SLC9A5: variants seen among roughly 807,000 people sequenced by gnomAD.
SLC9A5 encodes sodium/hydrogen exchanger 5.
A neutral mutation model predicts 91.7 loss-of-function variants in SLC9A5; 52 were observed. That is an observed-to-expected ratio of 0.57 (90% CI 0.45 to 0.71). The LOEUF is 0.71. Among genes scored for constraint, SLC9A5 ranks in the 30% least tolerant of loss-of-function variants. The pLI, the probability that SLC9A5 is intolerant of heterozygous loss-of-function variation, is 0.00. For missense variants in SLC9A5, 871 were observed against 1,158.9 expected (o/e 0.75, Z 3.61); for synonymous variants, 419 against 474.5 (o/e 0.88, Z 1.52).
Position 67,255,659 on chromosome 16 carries a change from G to T in SLC9A5, c.734-94G>T. 7.2e-7 allele frequency: 1 copy of T among 1,385,702 alleles called. No individual in the cohort carries two copies. The highest frequency in any genetic ancestry group is 9.9e-7 in the Non-Finnish European group (1 of 1,007,638). 85.8% of individuals were successfully genotyped at this position (1,385,702 alleles called of 1,614,324 possible). On this transcript the variant is annotated intron_variant, in intron 4 of 15. Coordinates refer to ENST00000299798, the MANE Select transcript of SLC9A5 (RefSeq NM_004594.3). The surrounding 1 kb of genome is among the most constrained non-coding windows in gnomAD (Gnocchi z 4.9). The stretch of plus-strand genomic sequence containing the variant: ...GGTTTTGAGCCCCTGGGAGTGCGGT[G>T]GGCATCATCCCTCACTCCCTGCCAG...
chr16:67,259,416 T>C (rs2035444111), intron 10 of SLC9A5, among the ~76,000 whole-genome samples, 157 bp from the exon 11 acceptor site: 1 of 149,344 alleles, frequency 6.7e-6, no homozygotes, highest in African/African-American at 2.5e-5. Flanking sequence ...ACCTATGTTA[T>C]AGATTTTGTG....
chr16:67,252,255 C>G lies in SLC9A5; in HGVS notation c.188-287C>G, dbSNP rs2035153165. 6.6e-6 allele frequency among the ~76,000 whole-genome samples: 1 copy of G among 152,136 alleles called. No homozygotes were observed. The highest frequency in any genetic ancestry group is 6.6e-5 in the Admixed American group (1 of 15,258). ...ATGAGGTCAGGAGTTCAAGACCAGC[C>G]TGGCCAACATAGTGAAACCCTGTCT... On this transcript the variant is annotated intron_variant, in intron 1 of 15. Transcript: ENST00000299798. This position sits in a 1 kb window ranked among gnomAD's most constrained non-coding sequence, Gnocchi z 4.0.
rs2035942324 is a variant in SLC9A5 at position 67,272,091 on chromosome 16, A to C, written c.*881A>C. ...GCTCTGGGGGCTGGGATGCCTGGCT[A>C]AGCAGGGGCTGACAGGGTGGCAGGT... On this transcript the variant is annotated 3_prime_UTR_variant, in exon 16 of 16. Transcript: ENST00000299798. 6.6e-6 allele frequency: 1 copy of C among 152,322 alleles called. No homozygotes were observed. Among genetic ancestry groups the C allele is most frequent in the Non-Finnish European group, 1.5e-5 (1 of 68,128 alleles). The allele number at this position is 152,322 out of a possible 1,614,324, so 9.4% of individuals were successfully genotyped here.
intron 15 of SLC9A5, among the ~76,000 whole-genome samples, chr16:67,267,081 G>GTTTTTTT (rs980874306): frequency 4.2e-4 from 20 of 47,736 alleles, no homozygotes; most frequent in African/African-American, 6.3e-4. Context: ...CCCAGCTGTT[G>GTTTTTTT]TTTTTTTTTT....
Position 67,271,148 on chromosome 16 carries a change from C to T in SLC9A5, c.2629C>T (p.Leu877Phe), listed in dbSNP as rs903912889. The change falls in exon 16 of 16, where the codon CTC becomes TTC. Residue 877 changes from leucine (L) to phenylalanine (F), a missense_variant. Transcript: ENST00000299798. ...PLMGHKDHTH[L>F]SPGTATSHWC... The stretch of plus-strand genomic sequence containing the variant: ...CATGGGCCACAAGGACCACACCCAT[C>T]TCAGCCCAGGCACCGCTACCTCCCA... The T allele has an allele frequency of 2.5e-6, 4 of 1,613,454 alleles. No individual in the cohort carries two copies. The highest frequency in any genetic ancestry group is 3.4e-6 in the Non-Finnish European group (4 of 1,180,048).
intron 10 of SLC9A5, among the ~76,000 whole-genome samples, chr16:67,259,139 G>A (rs1488085638): frequency 1.3e-5 from 2 of 151,632 alleles, no homozygotes; most frequent in Admixed American, 6.6e-5. Context: ...GGCACCTGTA[G>A]ACCCAGCTAC....
chr16:67,249,217 C>A lies in SLC9A5; in HGVS notation c.187+16C>A. On this transcript the variant is annotated intron_variant, in intron 1 of 15. Transcript: ENST00000299798. ...GCCAAAATCGGTGAGTGCGTGTGTG[C>A]GTGCGCCAGGCCGACCGCCAGCGGC... The A allele has an allele frequency of 7.0e-7, 1 of 1,424,950 alleles. No individual in the cohort carries two copies. The highest frequency in any genetic ancestry group is 9.2e-7 in the Non-Finnish European group (1 of 1,089,486). 88.3% of individuals were successfully genotyped at this position (1,424,950 alleles called of 1,614,324 possible).
intron 1 of SLC9A5, among the ~76,000 whole-genome samples, chr16:67,250,432 A>G (rs756719884): frequency 3.3e-5 from 5 of 152,186 alleles, no homozygotes; most frequent in African/African-American, 4.8e-5. Flanking sequence ...AGCAGCAATG[A>G]GAGTAAGAGT....
In SLC9A5 at chr16:67,255,006, C is replaced by T. The variant is rs2035257383; in HGVS notation, c.491-15C>T. The T allele has an allele frequency of 1.9e-6, 3 of 1,611,696 alleles. No homozygotes were observed. Among genetic ancestry groups the T allele is most frequent in the Admixed American group, 1.7e-5 (1 of 59,886 alleles). Reference sequence around the variant, plus strand: ...TCTTCAATGACTGGCCTGTCCTACACATGTCCCTTAATAGCCCCTAGGGTG... The same window carrying T: ...TCTTCAATGACTGGCCTGTCCTACATATGTCCCTTAATAGCCCCTAGGGTG... On this transcript the variant is annotated splice_polypyrimidine_tract_variant and intron_variant, in intron 2 of 15. Transcript: ENST00000299798. This position sits in a 1 kb window ranked among gnomAD's most constrained non-coding sequence, Gnocchi z 4.9.
rs760790280 is a variant in SLC9A5, at chr16:67,252,615, A to C, written c.261A>C (p.Leu87=). 1 of 1,614,056 alleles carries C rather than the reference A, an allele frequency of 6.2e-7. No homozygotes were observed. Among genetic ancestry groups the C allele is most frequent in the Non-Finnish European group, 8.5e-7 (1 of 1,180,014 alleles). ...TGCTGATTTTGCTGGGCCTGGTGCT[A>C]GGGGGAATTGTTTTGGCTGTGGCCA... is the stretch of plus-strand genomic sequence containing the variant. ...SCLLILLGLV[L]GGIVLAVAKK... The change falls in exon 2 of 16, where the codon CTA becomes CTC. Residue 87 remains leucine, a synonymous_variant. Coordinates refer to ENST00000299798, the MANE Select transcript of SLC9A5 (RefSeq NM_004594.3). This position sits in a 1 kb window ranked among gnomAD's most constrained non-coding sequence, Gnocchi z 4.0.
At chr16:67,267,296 G>A (rs1474841921) in intron 15 of SLC9A5, among the ~76,000 whole-genome samples, 2 of 151,908 alleles carry the variant, frequency 1.3e-5, no homozygotes, top group Admixed American at 1.3e-4. Context: ...ATGTTGGTCA[G>A]GCTGGTTTCG....
intron 1 of SLC9A5, among the ~76,000 whole-genome samples, chr16:67,251,703 C>T (rs116930827): frequency 0.01 from 1,568 of 151,954 alleles, 23 homozygotes; most frequent in Non-Finnish European, 0.014. Context: ...CATGAGCCAC[C>T]GCGCCCCGCC....
chr16:67,268,453 G>A (rs1281861096), intron 15 of SLC9A5, among the ~76,000 whole-genome samples: 1 of 149,110 alleles, frequency 6.7e-6, no homozygotes, highest in Non-Finnish European at 1.5e-5. Context: ...CTCAGATAAG[G>A]ATTCCTGATG....
At position 67,256,302 on chromosome 16, in the gene SLC9A5, T is replaced by C. The variant is rs1443214218; in HGVS notation, c.912-167T>C. On this transcript the variant is annotated intron_variant, in intron 5 of 15. Transcript: ENST00000299798. The surrounding 1 kb of genome is among the most constrained non-coding windows in gnomAD (Gnocchi z 4.1). ...GAATGGGAAGCCTGGAGATCTGGACTCTTAGCCCAGCACTACCATTCAAGT... is the reference window on the plus strand; with the variant it reads ...GAATGGGAAGCCTGGAGATCTGGACCCTTAGCCCAGCACTACCATTCAAGT... 6.6e-6 allele frequency among the ~76,000 whole-genome samples: 1 copy of C among 152,172 alleles called. No homozygotes were observed.
At chr16:67,253,150 A>G (rs1597345789) in intron 2 of SLC9A5, among the ~76,000 whole-genome samples, 1 of 152,148 alleles carries the variant, frequency 6.6e-6, no homozygotes, top group African/African-American at 2.4e-5. Flanking sequence ...GCCATTTGCC[A>G]GCCCGTCTCC....
Position 67,257,327 on chromosome 16 carries a change from C to T in SLC9A5, c.1336-18C>T. On this transcript the variant is annotated intron_variant, in intron 7 of 15. Transcript: ENST00000299798. This position sits in a 1 kb window ranked among gnomAD's most constrained non-coding sequence, Gnocchi z 5.1. Reference sequence around the variant, plus strand: ...CTGAATAGGAATAGGGCAGGGCTCACCTCCTGCCTGTCCATAGGGCTTGAC... The same window carrying T: ...CTGAATAGGAATAGGGCAGGGCTCATCTCCTGCCTGTCCATAGGGCTTGAC... The T allele has an allele frequency of 6.3e-7, 1 of 1,597,504 alleles. No individual in the cohort carries two copies. Among genetic ancestry groups the T allele is most frequent in the Non-Finnish European group, 8.6e-7 (1 of 1,164,814 alleles).
chr16:67,255,564 T>C lies in SLC9A5; in HGVS notation c.733+93T>C. ...CCCCGCATCAGGACAGAAGAGGCTA[T>C]TCGGGTTGCCTCATCTCCTCTATAG... is the stretch of plus-strand genomic sequence containing the variant. On this transcript the variant is annotated intron_variant, in intron 4 of 15. Transcript: ENST00000299798. The surrounding 1 kb of genome is among the most constrained non-coding windows in gnomAD (Gnocchi z 4.9). 4 of 1,391,722 alleles carry C rather than the reference T, an allele frequency of 2.9e-6. No individual in the cohort carries two copies. The highest frequency in any genetic ancestry group is 3.0e-6 in the Non-Finnish European group (3 of 983,756). 86.2% of individuals were successfully genotyped at this position (1,391,722 alleles called of 1,614,324 possible). A position where few individuals can be genotyped will look rare whatever the true frequency, so the allele number is the denominator to read the frequency against.
Position 67,257,123 on chromosome 16 carries a change from C to G in SLC9A5, c.1335+10C>G. On this transcript the variant is annotated intron_variant, in intron 7 of 15. Coordinates refer to ENST00000299798, the MANE Select transcript of SLC9A5 (RefSeq NM_004594.3). The surrounding 1 kb of genome is among the most constrained non-coding windows in gnomAD (Gnocchi z 5.1). ...CACAGTCATCGTGCAGGTGGGAGTGCCCACAAGGCTGGGTAGGGAGAGGGT... is the reference window on the plus strand; with the variant it reads ...CACAGTCATCGTGCAGGTGGGAGTGGCCACAAGGCTGGGTAGGGAGAGGGT... 6.2e-7 allele frequency: 1 copy of G among 1,603,800 alleles called. No homozygotes were observed. Among genetic ancestry groups the G allele is most frequent in the Non-Finnish European group, 8.5e-7 (1 of 1,177,056 alleles).
chr16:67,266,068 C>T lies in SLC9A5; in HGVS notation c.2081-20C>T. On this transcript the variant is annotated intron_variant, in intron 14 of 15. Transcript: ENST00000299798. ...AGCTGCCAGCCCAGGATGCCTGACT[C>T]TGCTCTTGTCTCTGTCCAGCTGCTG... 1 of 1,609,588 alleles carries T rather than the reference C, an allele frequency of 6.2e-7. No homozygotes were observed. Among genetic ancestry groups the T allele is most frequent in the Non-Finnish European group, 8.5e-7 (1 of 1,178,164 alleles).
Sources: gnomAD v4.1 joint callset for allele counts (sites outside exome capture counted in the v4.1 genomes callset) on GRCh38, gnomAD v4.1.1 for gene constraint, Gnocchi (gnomAD v3.1) non-coding constraint, MANE v1.5 for transcripts, NCBI Gene and HGNC (gene_info 2026-07-23, HGNC 2026-07-21) for gene names.